UNKL: variants seen among roughly 807,000 people sequenced by gnomAD.
UNKL encodes unk like zinc finger.
UNKL carries 60 observed loss-of-function variants against 78.0 expected under a neutral mutation model. The ratio of observed to expected loss-of-function variants is 0.77; its 90% confidence interval spans 0.63 to 0.95. UNKL has a LOEUF of 0.95. UNKL is among the 40% of genes least tolerant of loss of function. The pLI, the probability that UNKL is intolerant of heterozygous loss-of-function variation, is 0.00. For missense variants in UNKL, 1,159 were observed against 1,045.7 expected (o/e 1.11, Z -1.49); for synonymous variants, 608 against 474.8 (o/e 1.28, Z -3.65).
At chr16:1,411,042 AT>A (rs2038016889) in intron 2 of UNKL, among the ~76,000 whole-genome samples, 1 of 152,076 alleles carries the variant, frequency 6.6e-6, no homozygotes, top group South Asian at 2.1e-4. Flanking sequence ...GCGAGACTCC[AT>A]CTCTACAAAA....
At chr16:1,368,058 C>CTCTTTTA in intron 12 of UNKL, 200 bp from the exon 13 acceptor site, 2 of 597,944 alleles carry the variant, frequency 3.3e-6, no homozygotes, top group South Asian at 2.0e-5. Context: ...CTGACAGTGA[C>CTCTTTTA]ACCTGCCCCG....
intron 2 of UNKL, among the ~76,000 whole-genome samples, chr16:1,413,243 CAAAAAAAAAAAAAAAAAAAAAAAAAA>C (rs546295462): frequency 2.8e-5 from 2 of 71,648 alleles, no homozygotes; most frequent in South Asian, 1.1e-3. Context: ...GACCCTGTCT[CAAAAAAAAAAAAAAAAAAAAAAAAAA>C]AAAAAAAAAA....
At chr16:1,411,938 T>A (rs1426395546) in intron 2 of UNKL, 1 of 152,242 alleles carries the variant, frequency 6.6e-6, no homozygotes, top group Non-Finnish European at 1.5e-5. Context: ...GGCTAAGCAC[T>A]GTTGAAAAAA....
At chr16:1,368,063 G>A (rs1048589712) in intron 12 of UNKL, 4 of 543,006 alleles carry the variant, frequency 7.4e-6, no homozygotes, top group African/African-American at 3.9e-5. Context: ...AGTGACACCT[G>A]CCCCGGCCGG....
Position 1,390,627 on chromosome 16 carries a change from T to A in UNKL, c.1086+5A>T. Reference sequence around the variant, plus strand: ...ACGAGGGTGGGAAACCTTGGGGGCCTGTACCTGCTTGCTGTCTTGCTCGCT... The same window carrying A: ...ACGAGGGTGGGAAACCTTGGGGGCCAGTACCTGCTTGCTGTCTTGCTCGCT... On this transcript the variant is annotated splice_donor_5th_base_variant and intron_variant, in intron 9 of 14. Transcript: ENST00000389221. 1 of 1,535,940 alleles carries A rather than the reference T, an allele frequency of 6.5e-7. No individual in the cohort carries two copies. The highest frequency in any genetic ancestry group is 8.7e-7 in the Non-Finnish European group (1 of 1,146,824).
At chr16:1,402,770 G>C (rs1398499096) in intron 3 of UNKL, among the ~76,000 whole-genome samples, 1 of 151,848 alleles carries the variant, frequency 6.6e-6, no homozygotes, top group Non-Finnish European at 1.5e-5. Context: ...GGATCACAAG[G>C]TCAGGAAATC....
At chr16:1,404,213 A>G (rs189529297) in intron 2 of UNKL, among the ~76,000 whole-genome samples, 1 of 152,324 alleles carries the variant, frequency 6.6e-6, no homozygotes, top group Admixed American at 6.5e-5. Flanking sequence ...GGGCCAAGGC[A>G]GAGGATGACA....
intron 5 of UNKL, chr16:1,398,952 A>C: frequency 6.5e-7 from 1 of 1,540,246 alleles, no homozygotes; most frequent in Non-Finnish European, 8.8e-7. Flanking sequence ...CTGTGAAGAC[A>C]AGATTGAGCC....
At chr16:1,409,852 T>C (rs556319343) in intron 2 of UNKL, among the ~76,000 whole-genome samples, 1 of 151,772 alleles carries the variant, frequency 6.6e-6, no homozygotes, top group African/African-American at 2.4e-5. Flanking sequence ...AGGCCAAGGC[T>C]AGCGGATCAC....
chr16:1,408,736 T>C (rs2037898639), intron 2 of UNKL: 1 of 152,358 alleles, frequency 6.6e-6, no homozygotes, highest in Admixed American at 6.5e-5. Context: ...CAGCCTGCCG[T>C]GGAAAGGAGA....
intron 5 of UNKL, chr16:1,398,681 A>AACCCCCCCCCC: frequency 2.9e-6 from 2 of 694,534 alleles, no homozygotes; most frequent in South Asian, 2.2e-5. Flanking sequence ...TGGGGTCTGC[A>AACCCCCCCCCC]CCCCCCCACC....
At chr16:1,412,574 C>A (rs2038089062) in intron 2 of UNKL, among the ~76,000 whole-genome samples, 1 of 152,252 alleles carries the variant, frequency 6.6e-6, no homozygotes, top group Admixed American at 6.5e-5. Flanking sequence ...CAAGTCACTG[C>A]ACTCCAACCT....
In UNKL at chr16:1,363,549, A is replaced by C. The variant is rs2035000896; in HGVS notation, c.*2691T>G. The C allele has an allele frequency of 1.2e-5, 3 of 241,804 alleles. No homozygotes were observed. Among genetic ancestry groups the C allele is most frequent in the Admixed American group, 5.2e-5 (1 of 19,050 alleles). The allele number at this position is 241,804 out of a possible 1,614,324, so 15.0% of individuals were successfully genotyped here. On this transcript the variant is annotated 3_prime_UTR_variant, in exon 15 of 15. Coordinates refer to ENST00000389221, the MANE Select transcript of UNKL (RefSeq NM_001372107.1). ...GAGTTACAGACGACAGGCAACAAGA[A>C]CATGCAGAGCCGGCCGCCAGCCAGC...
chr16:1,395,935 C>T (rs1047291881), intron 6 of UNKL: 13 of 362,630 alleles, frequency 3.6e-5, no homozygotes, highest in African/African-American at 2.1e-4. Context: ...GCACGCCTCC[C>T]CCTTGGCTGA....
chr16:1,401,522 T>TGG, intron 4 of UNKL, 46 bp downstream of exon 4: 3 of 1,467,366 alleles, frequency 2.0e-6, no homozygotes, highest in Non-Finnish European at 1.8e-6. Context: ...TCTCGCGCTG[T>TGG]GCCCGCCCCC....
Position 1,386,050 on chromosome 16 carries a change from C to A in UNKL, c.1087-665G>T, listed in dbSNP as rs376173156. 4.6e-5 allele frequency among the ~76,000 whole-genome samples: 7 copies of A among 152,308 alleles called. No individual in the cohort carries two copies. The East Asian group carries it at 7.7e-4, about 17-fold the overall frequency. On this transcript the variant is annotated intron_variant, in intron 9 of 14. Coordinates refer to ENST00000389221, the MANE Select transcript of UNKL (RefSeq NM_001372107.1). ...GAGGGTGCTGCTCACAAGAAAACAC[C>A]CGACACAAAAGACCCAGAGCCACCT... is the stretch of plus-strand genomic sequence containing the variant.
chr16:1,379,703 C>G (rs896131965), intron 10 of UNKL: 44 of 983,718 alleles, frequency 4.5e-5, no homozygotes, highest in South Asian at 1.4e-4. Context: ...CGCCCCGCCC[C>G]CTCCGCGCTG....
At chr16:1,384,575 A>G (rs1365121754) in intron 10 of UNKL, among the ~76,000 whole-genome samples, 2 of 147,844 alleles carry the variant, frequency 1.4e-5, no homozygotes, top group Admixed American at 6.8e-5. Context: ...CCCCACCCTC[A>G]GTGCCCTCAC....
At chr16:1,380,030 G>C (rs926185870) in intron 10 of UNKL, among the ~76,000 whole-genome samples, 2 of 152,236 alleles carry the variant, frequency 1.3e-5, no homozygotes, top group Non-Finnish European at 2.9e-5. Flanking sequence ...GCCGCTGCCT[G>C]CCCTGCAGGA....
Sources: allele counts gnomAD v4.1 joint callset (sites outside exome capture counted in the v4.1 genomes callset), GRCh38; gene constraint gnomAD v4.1.1; transcripts MANE v1.5; gene names NCBI Gene and HGNC (gene_info 2026-07-23, HGNC 2026-07-21).